GRB2: variants seen among roughly 807,000 people sequenced by gnomAD.
GRB2 encodes the protein growth factor receptor bound protein 2, also known as growth factor receptor-bound protein 2.
In GRB2, 2 loss-of-function variants were observed where a neutral mutation model predicts 27.4. The observed-to-expected ratio is 0.07, with a 90% confidence interval of 0.03 to 0.23. GRB2 has a LOEUF of 0.23. Ranked by LOEUF, GRB2 falls within the 10% of genes least tolerant of loss-of-function variation. The pLI, the probability that GRB2 is intolerant of heterozygous loss-of-function variation, is 1.00. For synonymous variants in GRB2, 94 were observed against 99.6 expected (o/e 0.94, Z 0.33); for missense variants, 102 against 282.4 (o/e 0.36, Z 4.58).
chr17:75,350,827 G>GTT (rs1272909160), intron 2 of GRB2, among the ~76,000 whole-genome samples: 1 of 152,184 alleles, frequency 6.6e-6, no homozygotes, highest in African/African-American at 2.4e-5. Flanking sequence ...AACCCTCAGT[G>GTT]TAAGTAGGCT....
chr17:75,389,836 C>T (rs994748623), intron 2 of GRB2, among the ~76,000 whole-genome samples: 2 of 151,968 alleles, frequency 1.3e-5, no homozygotes, highest in Non-Finnish European at 1.5e-5. Context: ...CAGAGCGAGA[C>T]TCCATCTCAA....
At chr17:75,398,538 G>A (rs2079043257) in intron 1 of GRB2, among the ~76,000 whole-genome samples, 1 of 152,074 alleles carries the variant, frequency 6.6e-6, no homozygotes, top group Non-Finnish European at 1.5e-5. Flanking sequence ...TGGGATTACA[G>A]GTATGAGCCA....
chr17:75,358,586 C>A (rs979376154), intron 2 of GRB2, among the ~76,000 whole-genome samples: 1 of 150,974 alleles, frequency 6.6e-6, no homozygotes, highest in African/African-American at 2.4e-5. Context: ...CAGACAGGGC[C>A]AGCCGCGGTT....
At chr17:75,358,211 T>C (rs1279423457) in intron 2 of GRB2, among the ~76,000 whole-genome samples, 2 of 152,104 alleles carry the variant, frequency 1.3e-5, no homozygotes, top group Non-Finnish European at 2.9e-5. Flanking sequence ...AGGAAGAAAA[T>C]AGCTAAGTAA....
intron 2 of GRB2, chr17:75,370,937 C>A (rs2078851261): frequency 6.6e-6 from 1 of 152,178 alleles, no homozygotes; most frequent in South Asian, 2.1e-4. Context: ...TATAATGCCA[C>A]CACGATGTTG....
chr17:75,369,905 C>T (rs1279422455), intron 2 of GRB2, among the ~76,000 whole-genome samples: 1 of 151,678 alleles, frequency 6.6e-6, no homozygotes, highest in Non-Finnish European at 1.5e-5. Context: ...TAAGAACTTA[C>T]TGACTCTGAT....
chr17:75,325,125 A>C (rs2078490135), intron 4 of GRB2, among the ~76,000 whole-genome samples: 1 of 152,112 alleles, frequency 6.6e-6, no homozygotes, highest in Admixed American at 6.6e-5. Flanking sequence ...CCCCCATTCA[A>C]AAACAAAACA....
chr17:75,376,026 G>GGA (rs2078890954), intron 2 of GRB2, among the ~76,000 whole-genome samples: 1 of 65,388 alleles, frequency 1.5e-5, no homozygotes, highest in East Asian at 4.3e-4. Context: ...CTCCGTCTCA[G>GGA]AAAAAAAAAA....
chr17:75,371,296 A>AAT, intron 2 of GRB2: 1 of 152,102 alleles, frequency 6.6e-6, no homozygotes, highest in Non-Finnish European at 1.5e-5. Flanking sequence ...AAAGGAATAA[A>AAT]AAAAAAAAAA....
At chr17:75,375,841 C>T (rs542455545) in intron 2 of GRB2, among the ~76,000 whole-genome samples, 4 of 151,720 alleles carry the variant, frequency 2.6e-5, no homozygotes, top group African/African-American at 4.8e-5. Context: ...CTGGCTAACA[C>T]GGTGAAACCC....
chr17:75,388,819 C>T (rs1265272309), intron 2 of GRB2, among the ~76,000 whole-genome samples: 1 of 152,126 alleles, frequency 6.6e-6, no homozygotes, highest in African/African-American at 2.4e-5. Context: ...CTTGTGAAAA[C>T]TCTAACCAAC....
intron 2 of GRB2, among the ~76,000 whole-genome samples, chr17:75,381,720 C>CA (rs373432382): frequency 0.1 from 10,082 of 97,836 alleles, 1,217 homozygotes; most frequent in African/African-American, 0.33. Context: ...GACTCCGTCT[C>CA]AAAAAAAAAA....
At chr17:75,324,507 GTTTTTTTTTTT>G (rs767194304) in intron 4 of GRB2, among the ~76,000 whole-genome samples, 33 of 36,700 alleles carry the variant, frequency 9.0e-4, no homozygotes, top group African/African-American at 1.2e-3. Flanking sequence ...ACCGCACCCA[GTTTTTTTTTTT>G]TTTTTTTTTT....
At chr17:75,346,794 C>A (rs2078658346) in intron 2 of GRB2, among the ~76,000 whole-genome samples, 1 of 151,970 alleles carries the variant, frequency 6.6e-6, no homozygotes, top group Non-Finnish European at 1.5e-5. Flanking sequence ...TAGTCTCAAA[C>A]TCCTAACCTC....
intron 1 of GRB2, among the ~76,000 whole-genome samples, chr17:75,396,026 C>T (rs1433121628): frequency 1.3e-5 from 2 of 151,806 alleles, no homozygotes; most frequent in Admixed American, 6.6e-5. Context: ...TTAGTAGAGA[C>T]GGGATTTCAC....
chr17:75,370,521 G>T (rs892768), intron 2 of GRB2, among the ~76,000 whole-genome samples: 1 of 152,216 alleles, frequency 6.6e-6, no homozygotes, highest in African/African-American at 2.4e-5. Flanking sequence ...GTCAGAACGC[G>T]TCCCTGGAAA....
intron 2 of GRB2, among the ~76,000 whole-genome samples, chr17:75,369,960 T>C (rs1356180357): frequency 2.0e-5 from 3 of 152,114 alleles, no homozygotes. Context: ...AAAGCATATA[T>C]ATGTTCCTTT....
chr17:75,385,063 A>ACAAC (rs2078955221), intron 2 of GRB2, among the ~76,000 whole-genome samples: 1 of 71,066 alleles, frequency 1.4e-5, no homozygotes, highest in African/African-American at 2.8e-5. Context: ...AAAAAAGCAA[A>ACAAC]CAAACAAACA....
chr17:75,337,013 T>C (rs1186865476), intron 2 of GRB2, among the ~76,000 whole-genome samples: 1 of 152,324 alleles, frequency 6.6e-6, no homozygotes, highest in Middle Eastern at 3.4e-3. Context: ...GCTGGGATTA[T>C]AGGCGTGAGC....
Sources: gnomAD v4.1 joint callset for allele counts (sites outside exome capture counted in the v4.1 genomes callset) on GRCh38, gnomAD v4.1.1 for gene constraint, MANE v1.5 for transcripts, NCBI Gene and HGNC (gene_info 2026-07-23, HGNC 2026-07-21) for gene names.